The following RAPGEF1 variants were observed in gnomAD, a reference collection of about 807,000 sequenced individuals.
RAPGEF1 encodes CRK SH3-binding GNRP.
In RAPGEF1, 33 loss-of-function variants were observed where a neutral mutation model predicts 143.3. That is an observed-to-expected ratio of 0.23 (90% CI 0.17 to 0.31). RAPGEF1 has a LOEUF of 0.31. RAPGEF1 is among the 10% of genes least tolerant of loss of function. RAPGEF1 has a pLI of 1.00. For synonymous variants in RAPGEF1, 629 were observed against 676.5 expected, an observed-to-expected ratio of 0.93 and a Z score of 1.09; for missense variants, 1,199 against 1,645.4, an observed-to-expected ratio of 0.73 and a Z score of 4.69.
At chr9:131,695,551 A>G (rs1287373863) in intron 1 of RAPGEF1, among the ~76,000 whole-genome samples, 1 of 152,242 alleles carries the variant, frequency 6.6e-6, no homozygotes. Flanking sequence ...AAGCAGGGGC[A>G]TCAGGAGCGA....
At chr9:131,726,833 C>G (rs1363531717) in intron 1 of RAPGEF1, among the ~76,000 whole-genome samples, 1 of 151,968 alleles carries the variant, frequency 6.6e-6, no homozygotes, top group Non-Finnish European at 1.5e-5. Flanking sequence ...AAACCTGTCT[C>G]TACAAAAAAA....
At chr9:131,686,736 C>A (rs1239804699) in intron 1 of RAPGEF1, among the ~76,000 whole-genome samples, 1 of 152,198 alleles carries the variant, frequency 6.6e-6, no homozygotes, top group Non-Finnish European at 1.5e-5. Flanking sequence ...CTGGAAAAGG[C>A]AGGCAAAGCC....
At chr9:131,608,174 G>A (rs1359491910) in intron 12 of RAPGEF1, among the ~76,000 whole-genome samples, 3 of 152,202 alleles carry the variant, frequency 2.0e-5, no homozygotes, top group African/African-American at 7.2e-5. Flanking sequence ...TTTCTGCGAC[G>A]TTCCGCGAGA....
At chr9:131,673,375 C>A (rs1403364061) in intron 1 of RAPGEF1, among the ~76,000 whole-genome samples, 2 of 152,184 alleles carry the variant, frequency 1.3e-5, no homozygotes, top group Non-Finnish European at 2.9e-5. Context: ...ACCTGGCCTG[C>A]TAGGAGCAGG....
rs1185794849 is a variant in RAPGEF1 at position 131,675,363 on chromosome 9, G to C, written c.62-24414C>G. Among the ~76,000 whole-genome samples, 1 of 152,232 alleles carries C rather than the reference G, an allele frequency of 6.6e-6. No homozygotes were observed. The highest frequency in any genetic ancestry group is 2.4e-5 in the African/African-American group (1 of 41,460). ...GGCTGTGGAGGAGGGCTCTGCGGGA[G>C]CAGGGAGCCCGGCAGCTTCCTGCGG... On this transcript the variant is annotated intron_variant, in intron 1 of 26. Transcript: ENST00000683357. The surrounding 1 kb of genome is among the most constrained non-coding windows in gnomAD (Gnocchi z 4.6).
In RAPGEF1 at chr9:131,641,724, C is replaced by A. The variant is rs960251392; in HGVS notation, c.494+1515G>T. On this transcript the variant is annotated intron_variant, in intron 4 of 26. Transcript: ENST00000683357. This position sits in a 1 kb window ranked among gnomAD's most constrained non-coding sequence, Gnocchi z 4.6. ...GCTCCTAGGAGCCCAGCACCGAACA[C>A]TTCTAAGAGCCGGAGCTGGACTGAC... Among the ~76,000 whole-genome samples, 5 of 152,204 alleles carry A rather than the reference C, an allele frequency of 3.3e-5. No homozygotes were observed. Among genetic ancestry groups the A allele is most frequent in the African/African-American group, 4.8e-5 (2 of 41,458 alleles).
chr9:131,652,063 T>C (rs568675950), intron 1 of RAPGEF1, among the ~76,000 whole-genome samples: 3 of 152,292 alleles, frequency 2.0e-5, no homozygotes, highest in East Asian at 3.9e-4. Flanking sequence ...GGCCTAGAAG[T>C]TGCTCTGAGT....
intron 1 of RAPGEF1, among the ~76,000 whole-genome samples, chr9:131,712,679 A>G (rs1835592258): frequency 6.6e-6 from 1 of 152,180 alleles, no homozygotes; most frequent in Non-Finnish European, 1.5e-5. Context: ...GGGCCAACAC[A>G]TTTGTAACTG....
chr9:131,614,867 T>C (rs1028372092), intron 12 of RAPGEF1, among the ~76,000 whole-genome samples: 4 of 152,054 alleles, frequency 2.6e-5, no homozygotes, highest in Admixed American at 1.3e-4. Context: ...ATGACAGTTA[T>C]TACAGGCATT....
At chr9:131,588,095 G>A (rs1296019045) in intron 20 of RAPGEF1, 69 bp from the exon 21 acceptor site, 23 of 1,317,130 alleles carry the variant, frequency 1.7e-5, no homozygotes, top group Middle Eastern at 2.5e-4. Flanking sequence ...GAGCAGGCCC[G>A]GGCTGCGGGC....
intron 1 of RAPGEF1, among the ~76,000 whole-genome samples, chr9:131,688,729 G>A (rs1295374052): frequency 2.0e-5 from 3 of 152,084 alleles, no homozygotes; most frequent in Admixed American, 6.5e-5. Context: ...GCAACATGGC[G>A]AAATTCTGTC....
At chr9:131,688,451 T>C (rs542592366) in intron 1 of RAPGEF1, among the ~76,000 whole-genome samples, 1 of 152,352 alleles carries the variant, frequency 6.6e-6, no homozygotes, top group South Asian at 2.1e-4. Flanking sequence ...GTGGCATCCT[T>C]GACTCACTTT....
At chr9:131,652,653 AG>A (rs1292058074) in intron 1 of RAPGEF1, among the ~76,000 whole-genome samples, 1 of 152,172 alleles carries the variant, frequency 6.6e-6, no homozygotes, top group Non-Finnish European at 1.5e-5. Context: ...TCCCACTGGA[AG>A]GTCTTCAGAG....
intron 1 of RAPGEF1, among the ~76,000 whole-genome samples, chr9:131,721,772 C>T (rs1836284879): frequency 6.6e-6 from 1 of 151,946 alleles, no homozygotes; most frequent in African/African-American, 2.4e-5. Context: ...GTCAATATTC[C>T]CTAAGTAAGA....
rs1970232401 is a variant in RAPGEF1, at chr9:131,648,389, C to T, written c.315+1740G>A. Among the ~76,000 whole-genome samples the T allele has an allele frequency of 2.6e-5, 4 of 151,710 alleles. No individual in the cohort carries two copies. In the South Asian group the frequency reaches 8.3e-4, roughly 32 times the overall value. The stretch of plus-strand genomic sequence containing the variant: ...CTGGGCGACAGAGTGAGACTCTTAT[C>T]TCAAAACAAACAAACAAACAAAAAA... On this transcript the variant is annotated intron_variant, in intron 3 of 26. Coordinates refer to ENST00000683357, the MANE Select transcript of RAPGEF1 (RefSeq NM_001377935.1).
chr9:131,732,588 T>C (rs1280413610), intron 1 of RAPGEF1, among the ~76,000 whole-genome samples: 1 of 152,132 alleles, frequency 6.6e-6, no homozygotes, highest in Admixed American at 6.5e-5. Flanking sequence ...CCTAACCTCA[T>C]CATTAGTGTT....
intron 12 of RAPGEF1, among the ~76,000 whole-genome samples, chr9:131,618,115 G>A (rs1431364349): frequency 1.3e-5 from 2 of 152,244 alleles, no homozygotes; most frequent in Non-Finnish European, 2.9e-5. Flanking sequence ...CTGAATCTGG[G>A]CTGGCCTTGT....
rs761688026 is a variant in RAPGEF1, at chr9:131,625,994, C to T, written c.1630G>A (p.Asp544Asn). Residue 544 changes from aspartate (D) to asparagine (N), a missense_variant, in exon 10 of 27, where the codon GAT becomes AAT. By Grantham distance (23) the Asp-to-Asn change is conservative (BLOSUM62 1). Coordinates refer to ENST00000683357, the MANE Select transcript of RAPGEF1 (RefSeq NM_001377935.1). Reference protein sequence around the residue: ...GSSAPVEFVGDFTAPESTGDP... With the variant: ...GSSAPVEFVGNFTAPESTGDP... ...CCGGTTGACTCAGGAGCAGTAAAATCACCCACAAATTCGACAGGGGCTGAG... is the reference window on the plus strand; with the variant it reads ...CCGGTTGACTCAGGAGCAGTAAAATTACCCACAAATTCGACAGGGGCTGAG... 1 of 1,609,038 alleles carries T rather than the reference C, an allele frequency of 6.2e-7. No homozygotes were observed.
At chr9:131,716,639 T>G (rs1029928179) in intron 1 of RAPGEF1, among the ~76,000 whole-genome samples, 2 of 152,080 alleles carry the variant, frequency 1.3e-5, no homozygotes, top group African/African-American at 4.8e-5. Flanking sequence ...AGCATTGTGT[T>G]ATGTGTGTCT....
Sources: allele counts gnomAD v4.1 joint callset (sites outside exome capture counted in the v4.1 genomes callset), GRCh38; gene constraint gnomAD v4.1.1; non-coding constraint Gnocchi (gnomAD v3.1); transcripts MANE v1.5; gene names NCBI Gene and HGNC (gene_info 2026-07-23, HGNC 2026-07-21).